Variants in PLPPR5 observed in about 807,000 individuals in gnomAD.
The protein encoded by PLPPR5 is phospholipid phosphatase related 5, also known as phospholipid phosphatase-related protein type 5.
In PLPPR5, 16 loss-of-function variants were observed where a neutral mutation model predicts 33.9. That is an observed-to-expected ratio of 0.47 (90% CI 0.32 to 0.72). The LOEUF is 0.72. PLPPR5 is among the 30% of genes least tolerant of loss of function. The probability of loss-of-function intolerance (pLI) is 0.03; values close to 1 mark genes in which losing one functional copy is unlikely to be tolerated. For missense variants in PLPPR5, 301 were observed against 406.7 expected (o/e 0.74, Z 2.23); for synonymous variants, 163 against 150.3 (o/e 1.08, Z -0.62).
chr1:98,991,493 C>G (rs1264433295), intron 1 of PLPPR5, among the ~76,000 whole-genome samples: 1 of 152,118 alleles, frequency 6.6e-6, no homozygotes, highest in Non-Finnish European at 1.5e-5. Context: ...GTGGTGACAA[C>G]AGTTAAGAAC....
intron 1 of PLPPR5, among the ~76,000 whole-genome samples, chr1:98,998,871 T>C (rs1414155906): frequency 6.6e-6 from 1 of 152,142 alleles, no homozygotes; most frequent in Non-Finnish European, 1.5e-5. Flanking sequence ...GTCCCCAATA[T>C]GATTAAGGAA....
At chr1:98,898,017 G>T (rs1314247414) in intron 5 of PLPPR5, among the ~76,000 whole-genome samples, 1 of 151,920 alleles carries the variant, frequency 6.6e-6, no homozygotes, top group East Asian at 1.9e-4. Flanking sequence ...TACAAATAAA[G>T]CTCACTATTT....
chr1:98,957,099 C>A (rs559606195), intron 1 of PLPPR5, among the ~76,000 whole-genome samples: 2 of 150,544 alleles, frequency 1.3e-5, no homozygotes, highest in Non-Finnish European at 2.9e-5. Context: ...AAAAACCAAA[C>A]ACCACATATT....
intron 1 of PLPPR5, chr1:98,991,214 C>A (rs1557695753): frequency 6.6e-6 from 1 of 151,862 alleles, no homozygotes; most frequent in Non-Finnish European, 1.5e-5. Flanking sequence ...ATGCCATGAT[C>A]TCTCAGCAAC....
At chr1:98,906,993 T>C (rs936477234) in intron 5 of PLPPR5, among the ~76,000 whole-genome samples, 10 of 152,194 alleles carry the variant, frequency 6.6e-5, no homozygotes, top group African/African-American at 2.2e-4. Context: ...GTCAGTAATA[T>C]AACCGTCAAC....
intron 1 of PLPPR5, among the ~76,000 whole-genome samples, chr1:98,981,736 G>A (rs55745183): frequency 0.098 from 14,917 of 152,004 alleles, 799 homozygotes; most frequent in Middle Eastern, 0.13. Context: ...AAGTCATTGT[G>A]CTTTAACACG....
intron 1 of PLPPR5, among the ~76,000 whole-genome samples, chr1:98,984,640 T>C (rs1036518048): frequency 6.6e-6 from 1 of 152,036 alleles, no homozygotes; most frequent in African/African-American, 2.4e-5. Flanking sequence ...AAATATTCTT[T>C]TGCAAAGGTG....
intron 3 of PLPPR5, among the ~76,000 whole-genome samples, chr1:98,924,847 G>C (rs1174387428): frequency 6.6e-6 from 1 of 152,176 alleles, no homozygotes; most frequent in African/African-American, 2.4e-5. Context: ...CTGGTATTTG[G>C]CTTTTCCCTC....
intron 4 of PLPPR5, among the ~76,000 whole-genome samples, chr1:98,919,387 A>C (rs1247664111): frequency 6.6e-6 from 1 of 152,188 alleles, no homozygotes; most frequent in African/African-American, 2.4e-5. Context: ...AGAGACCTGG[A>C]GTAGATTAGC....
intron 3 of PLPPR5, among the ~76,000 whole-genome samples, chr1:98,945,166 A>C (rs1463504565): frequency 6.6e-6 from 1 of 152,210 alleles, no homozygotes; most frequent in Non-Finnish European, 1.5e-5. Context: ...TAAAAAGCAA[A>C]GCTCTTTAAC....
intron 1 of PLPPR5, among the ~76,000 whole-genome samples, chr1:98,969,726 C>CTCCTTCCT (rs3077539): frequency 0.21 from 31,996 of 149,770 alleles, 3,626 homozygotes; most frequent in East Asian, 0.4. Context: ...ACCTCTTTTT[C>CTCCTTCCT]TCCTTCCTTC....
At chr1:98,935,505 T>C (rs1570712393) in intron 3 of PLPPR5, among the ~76,000 whole-genome samples, 2 of 152,066 alleles carry the variant, frequency 1.3e-5, no homozygotes, top group South Asian at 2.1e-4. Context: ...ATCAACACCA[T>C]AGAGCTTCAT....
chr1:98,970,045 T>C (rs541134117), intron 1 of PLPPR5, among the ~76,000 whole-genome samples: 1 of 152,144 alleles, frequency 6.6e-6, no homozygotes, highest in South Asian at 2.1e-4. Flanking sequence ...TTGGCTTTCA[T>C]CTCTCCCATC....
chr1:98,893,242 GT>G, intron 5 of PLPPR5, 138 bp from the exon 6 acceptor site: 1 of 651,740 alleles, frequency 1.5e-6, no homozygotes, highest in Non-Finnish European at 2.4e-6. Flanking sequence ...ATTAAACTAA[GT>G]TTTATGTATT....
chr1:99,005,101 G>C (rs1006612506), upstream of PLPPR5: 2 of 153,018 alleles, frequency 1.3e-5, no homozygotes, highest in Non-Finnish European at 1.5e-5. Flanking sequence ...GCGGGACAGC[G>C]GCACCTGTAC....
chr1:98,929,749 C>A (rs1001045014), intron 3 of PLPPR5, among the ~76,000 whole-genome samples: 1 of 152,150 alleles, frequency 6.6e-6, no homozygotes, highest in East Asian at 1.9e-4. Flanking sequence ...CAGTATGACT[C>A]CCCCCTGACC....
intron 4 of PLPPR5, among the ~76,000 whole-genome samples, chr1:98,921,295 T>C (rs1197909748): frequency 1.3e-5 from 2 of 152,206 alleles, no homozygotes; most frequent in Non-Finnish European, 1.5e-5. Context: ...TGACATGGTA[T>C]GGTCTTAGAA....
chr1:98,931,618 A>G (rs1006292591), intron 3 of PLPPR5, among the ~76,000 whole-genome samples: 2 of 152,076 alleles, frequency 1.3e-5, no homozygotes, highest in African/African-American at 4.8e-5. Context: ...CAGAGGTAAG[A>G]CTACTTACCT....
intron 5 of PLPPR5, among the ~76,000 whole-genome samples, chr1:98,906,008 C>A (rs1005165132): frequency 6.6e-6 from 1 of 151,942 alleles, no homozygotes; most frequent in African/African-American, 2.4e-5. Flanking sequence ...AGTCTGAGAC[C>A]AGCATGCTAT....
Sources: gnomAD v4.1 joint callset for allele counts (sites outside exome capture counted in the v4.1 genomes callset) on GRCh38, gnomAD v4.1.1 for gene constraint, MANE v1.5 for transcripts, NCBI Gene and HGNC (gene_info 2026-07-23, HGNC 2026-07-21) for gene names.